TRAPPC10: variants seen among roughly 807,000 people sequenced by gnomAD.
TRAPPC10 encodes trafficking protein particle complex subunit 10.
TRAPPC10 carries 23 observed loss-of-function variants against 125.5 expected under a neutral mutation model. That is an observed-to-expected ratio of 0.18 (90% confidence interval 0.13 to 0.26). The LOEUF (loss-of-function observed/expected upper bound fraction) is 0.26. Ranked by LOEUF, TRAPPC10 falls within the 10% of genes least tolerant of loss-of-function variation. The probability of loss-of-function intolerance (pLI) is 1.00; values close to 1 mark genes in which losing one functional copy is unlikely to be tolerated. For synonymous variants in TRAPPC10, 509 were observed against 518.0 expected (o/e 0.98, Z 0.24); for missense variants, 1,123 against 1,308.4 (o/e 0.86, Z 2.19).
Position 44,089,856 on chromosome 21 carries a change from C to T in TRAPPC10, c.2793C>T (p.Ser931=). 6.2e-7 allele frequency: 1 copy of T among 1,613,858 alleles called. No individual in the cohort carries two copies. The highest frequency in any genetic ancestry group is 8.5e-7 in the Non-Finnish European group (1 of 1,179,826). ...DHKVSIDCPW[S]IYSTVIALTF... is the part of the protein sequence containing the mutation. ...AGGTGTCGATTGACTGCCCGTGGTC[C>T]ATCTACTCCACAGTCATCGCACTGA... Residue 931 remains serine (S), a synonymous_variant, in exon 18 of 23, where the codon TCC becomes TCT. Transcript: ENST00000291574.
At chr21:44,051,497 CA>C (rs1411206252) in intron 3 of TRAPPC10, among the ~76,000 whole-genome samples, 1 of 152,162 alleles carries the variant, frequency 6.6e-6, no homozygotes. Context: ...TGATAACAGG[CA>C]AAGTGTCTGT....
At chr21:44,056,434 T>A (rs1261996915) in intron 5 of TRAPPC10, among the ~76,000 whole-genome samples, 2 of 152,174 alleles carry the variant, frequency 1.3e-5, no homozygotes, top group Admixed American at 6.5e-5. Context: ...CCCCAAGATG[T>A]CTGTCAGCTA....
chr21:44,014,419 C>T (rs1295730243), intron 1 of TRAPPC10, among the ~76,000 whole-genome samples: 1 of 150,458 alleles, frequency 6.6e-6, no homozygotes, highest in Admixed American at 6.6e-5. Context: ...TTTGAGACGG[C>T]GTCTTTCTCT....
rs1463038907 is a variant in TRAPPC10 at position 44,053,045 on chromosome 21, C to T, written c.482+569C>T. ...GCTGAGCCAGCCAGCACGTTAACTC[C>T]TCTATAACCGATGGTCTGTATCTCG... is the stretch of plus-strand genomic sequence containing the variant. On this transcript the variant is annotated intron_variant, in intron 4 of 22. Coordinates refer to ENST00000291574, the MANE Select transcript of TRAPPC10 (RefSeq NM_003274.5). Among the ~76,000 whole-genome samples, 3 of 152,060 alleles carry T rather than the reference C, an allele frequency of 2.0e-5. No homozygotes were observed. In the East Asian group the frequency reaches 5.8e-4, roughly 29 times the overall value.
In TRAPPC10 at chr21:44,033,381, AAT is replaced by A. The variant is rs2033740243; in HGVS notation, c.149+1212_149+1213del. 2.6e-5 allele frequency among the ~76,000 whole-genome samples: 4 copies of A among 152,310 alleles called. No homozygotes were observed. The South Asian group carries it at 8.3e-4, about 32-fold the overall frequency. ...CTTACAAGATATGCATTTAGTTGCT[AAT>A]ATTTAATATAAAGAGTGTACAGAGT... On this transcript the variant is annotated intron_variant, in intron 2 of 22. Transcript: ENST00000291574.
At chr21:44,045,878 G>T (rs2034764710) in intron 3 of TRAPPC10, among the ~76,000 whole-genome samples, 1 of 151,772 alleles carries the variant, frequency 6.6e-6, no homozygotes, top group South Asian at 2.1e-4. Context: ...CTTTATATTG[G>T]TTTTTAACAG....
intron 18 of TRAPPC10, 59 bp downstream of exon 18, chr21:44,089,992 G>C: frequency 7.5e-7 from 1 of 1,341,236 alleles, no homozygotes; most frequent in Non-Finnish European, 1.1e-6. Context: ...CTAAGTGGAG[G>C]TTCCTAATGT....
chr21:44,039,111 G>A (rs969695423), intron 3 of TRAPPC10, among the ~76,000 whole-genome samples: 5 of 152,312 alleles, frequency 3.3e-5, no homozygotes, highest in East Asian at 1.9e-4. Flanking sequence ...TGGGGCTGTT[G>A]TCCCCTTGCG....
chr21:44,034,486 C>T (rs996834501), intron 2 of TRAPPC10, among the ~76,000 whole-genome samples: 13 of 152,094 alleles, frequency 8.5e-5, no homozygotes, highest in South Asian at 6.2e-4. Flanking sequence ...GGCACAGCTC[C>T]GCTCCGGGAA....
rs1380547770 is a variant in TRAPPC10 at position 44,082,625 on chromosome 21, T to G, written c.1724-163T>G. On this transcript the variant is annotated intron_variant, in intron 13 of 22. Transcript: ENST00000291574. This position sits in a 1 kb window ranked among gnomAD's most constrained non-coding sequence, Gnocchi z 4.4. ...TATTCTGCTTTTGATACAATAGCCT[T>G]TGGGGGGTGTGAAGATGGCAGGAGG... Among the ~76,000 whole-genome samples, 2 of 151,980 alleles carry G rather than the reference T, an allele frequency of 1.3e-5. No individual in the cohort carries two copies. Among genetic ancestry groups the G allele is most frequent in the African/African-American group, 2.4e-5 (1 of 41,346 alleles).
At position 44,059,330 on chromosome 21, in the gene TRAPPC10, T is replaced by C; in HGVS notation, c.790+116T>C. ...GGAGTACGCATGTTTTGTTGTTGTCTTTATACACATTATATCGGATATATT... is the reference window on the plus strand; with the variant it reads ...GGAGTACGCATGTTTTGTTGTTGTCCTTATACACATTATATCGGATATATT... On this transcript the variant is annotated intron_variant, in intron 6 of 22. Coordinates refer to ENST00000291574, the MANE Select transcript of TRAPPC10 (RefSeq NM_003274.5). This position sits in a 1 kb window ranked among gnomAD's most constrained non-coding sequence, Gnocchi z 4.4. The C allele has an allele frequency of 1.4e-6, 1 of 706,818 alleles. No individual in the cohort carries two copies. Among genetic ancestry groups the C allele is most frequent in the Non-Finnish European group, 2.5e-6 (1 of 402,802 alleles). 43.8% of individuals were successfully genotyped at this position (706,818 alleles called of 1,614,324 possible).
In TRAPPC10 at chr21:44,053,009, T is replaced by A. The variant is rs1032148250; in HGVS notation, c.482+533T>A. Among the ~76,000 whole-genome samples, 4 of 152,070 alleles carry A rather than the reference T, an allele frequency of 2.6e-5. No individual in the cohort carries two copies. The South Asian group carries it at 8.3e-4, about 32-fold the overall frequency. Reference sequence around the variant, plus strand: ...AGCTCACTCCCTTTCTCTTCAGTGATGCCATTGCCAGCTGAGCCAGCCAGC... The same window carrying A: ...AGCTCACTCCCTTTCTCTTCAGTGAAGCCATTGCCAGCTGAGCCAGCCAGC... On this transcript the variant is annotated intron_variant, in intron 4 of 22. Coordinates refer to ENST00000291574, the MANE Select transcript of TRAPPC10 (RefSeq NM_003274.5).
intron 12 of TRAPPC10, 56 bp downstream of exon 12, chr21:44,079,760 A>G: frequency 2.6e-6 from 4 of 1,555,864 alleles, no homozygotes; most frequent in African/African-American, 1.4e-5. Context: ...ATACGGCAAC[A>G]TTGCCCACAA....
At chr21:44,054,450 T>C (rs1317275057) in intron 4 of TRAPPC10, among the ~76,000 whole-genome samples, 2 of 152,260 alleles carry the variant, frequency 1.3e-5, no homozygotes, top group Non-Finnish European at 2.9e-5. Context: ...TTCATTTTGC[T>C]ACTTTTTGGT....
In TRAPPC10 at chr21:44,082,660, G is replaced by T. The variant is rs2037836225; in HGVS notation, c.1724-128G>T. 1 of 1,035,766 alleles carries T rather than the reference G, an allele frequency of 9.7e-7. No homozygotes were observed. The highest frequency in any genetic ancestry group is 1.6e-5 in the African/African-American group (1 of 63,076). 64.2% of individuals were successfully genotyped at this position (1,035,766 alleles called of 1,614,324 possible). On this transcript the variant is annotated intron_variant, in intron 13 of 22. Transcript: ENST00000291574. The surrounding 1 kb of genome is among the most constrained non-coding windows in gnomAD (Gnocchi z 4.4). Reference sequence around the variant, plus strand: ...TGAAGATGGCAGGAGGCTGGGCTCAGCTGCTGTGCCCATCACTGCTGCTTG... The same window carrying T: ...TGAAGATGGCAGGAGGCTGGGCTCATCTGCTGTGCCCATCACTGCTGCTTG...
At chr21:44,047,270 C>T (rs2034899234) in intron 3 of TRAPPC10, among the ~76,000 whole-genome samples, 1 of 152,178 alleles carries the variant, frequency 6.6e-6, no homozygotes, top group Non-Finnish European at 1.5e-5. Context: ...ACAACCTCTG[C>T]CTCCTGGGTT....
intron 1 of TRAPPC10, among the ~76,000 whole-genome samples, chr21:44,023,951 AATTTTTAT>A (rs1266411252): frequency 6.6e-6 from 1 of 152,018 alleles, no homozygotes; most frequent in South Asian, 2.1e-4. Flanking sequence ...ACATCTGGCT[AATTTTTAT>A]ATTTTTAGTA....
At position 44,076,408 on chromosome 21, in the gene TRAPPC10, T is replaced by G. The variant is rs371169823; in HGVS notation, c.1301-144T>G. The G allele has an allele frequency of 9.7e-6, 6 of 615,420 alleles. No individual in the cohort carries two copies. In the African/African-American group the frequency reaches 1.1e-4, roughly 11 times the overall value. 38.1% of individuals were successfully genotyped at this position (615,420 alleles called of 1,614,324 possible). A position where few individuals can be genotyped will look rare whatever the true frequency, so the allele number is the denominator to read the frequency against. ...AATTGAAAGAGAATGTACATAATCA[T>G]GTAGTTTCCGTTGGCATTGGCCGGT... is the stretch of plus-strand genomic sequence containing the variant. On this transcript the variant is annotated intron_variant, in intron 9 of 22. Coordinates refer to ENST00000291574, the MANE Select transcript of TRAPPC10 (RefSeq NM_003274.5).
intron 1 of TRAPPC10, among the ~76,000 whole-genome samples, chr21:44,030,020 T>C (rs1469483636): frequency 6.6e-6 from 1 of 152,190 alleles, no homozygotes; most frequent in African/African-American, 2.4e-5. Context: ...CTGGTCATCT[T>C]CTAGGTGAAC....
Sources: gnomAD v4.1 joint callset for allele counts (sites outside exome capture counted in the v4.1 genomes callset) on GRCh38, gnomAD v4.1.1 for gene constraint, Gnocchi (gnomAD v3.1) non-coding constraint, MANE v1.5 for transcripts, NCBI Gene and HGNC (gene_info 2026-07-23, HGNC 2026-07-21) for gene names.